The following MARCHF4 variants were observed in gnomAD, a reference collection of about 807,000 sequenced individuals.
MARCHF4 encodes membrane associated ring-CH-type finger 4.
MARCHF4 carries 14 observed loss-of-function variants against 43.9 expected under a neutral mutation model. The observed-to-expected ratio is 0.32, with a 90% CI of 0.21 to 0.50. The LOEUF (loss-of-function observed/expected upper bound fraction) is 0.50, where lower values mean the gene tolerates loss of function less well. MARCHF4 is among the 20% of genes least tolerant of loss of function. The probability of loss-of-function intolerance (pLI) is 0.98; values close to 1 mark genes in which losing one functional copy is unlikely to be tolerated. For missense variants in MARCHF4, 468 were observed against 536.7 expected (o/e 0.87, Z 1.27); for synonymous variants, 226 against 213.3 (o/e 1.06, Z -0.52).
At chr2:216,333,793 G>A (rs1000008380) in intron 1 of MARCHF4, among the ~76,000 whole-genome samples, 2 of 152,138 alleles carry the variant, frequency 1.3e-5, no homozygotes, top group African/African-American at 2.4e-5. Flanking sequence ...CTCCTGGAAA[G>A]AGACCCGTCC....
At chr2:216,296,712 T>C (rs1027972026) in intron 1 of MARCHF4, among the ~76,000 whole-genome samples, 13 of 152,234 alleles carry the variant, frequency 8.5e-5, no homozygotes, top group Non-Finnish European at 1.2e-4. Flanking sequence ...GACATTGCAG[T>C]AAACATTTAA....
intron 3 of MARCHF4, 44 bp from the exon 4 acceptor site, chr2:216,259,723 A>G: frequency 6.3e-7 from 1 of 1,583,580 alleles, no homozygotes; most frequent in Non-Finnish European, 8.6e-7. Context: ...AATGAGAGGA[A>G]GTGGGTCACG....
intron 1 of MARCHF4, among the ~76,000 whole-genome samples, chr2:216,339,709 G>T (rs958438626): frequency 1.3e-5 from 2 of 151,990 alleles, no homozygotes; most frequent in African/African-American, 4.8e-5. Flanking sequence ...CTGTTCATTC[G>T]TTCATTCATG....
intron 1 of MARCHF4, among the ~76,000 whole-genome samples, chr2:216,368,226 G>T (rs1692697143): frequency 6.6e-6 from 1 of 152,136 alleles, no homozygotes; most frequent in African/African-American, 2.4e-5. Flanking sequence ...CTTGATGGTG[G>T]CAAGATCCTG....
At chr2:216,355,847 A>G (rs1198591172) in intron 1 of MARCHF4, among the ~76,000 whole-genome samples, 1 of 152,176 alleles carries the variant, frequency 6.6e-6, no homozygotes, top group Non-Finnish European at 1.5e-5. Context: ...AAAAAGTTGC[A>G]TTTCATGCAG....
intron 1 of MARCHF4, among the ~76,000 whole-genome samples, chr2:216,345,292 G>A (rs146131569): frequency 1.3e-4 from 19 of 151,928 alleles, no homozygotes; most frequent in African/African-American, 4.6e-4. Flanking sequence ...GGGTTCAGGG[G>A]ATGTTGTTGA....
intron 3 of MARCHF4, among the ~76,000 whole-genome samples, chr2:216,269,717 G>T (rs1690902811): frequency 6.6e-6 from 1 of 152,170 alleles, no homozygotes. Flanking sequence ...ACCCTCTGAT[G>T]ATGGTGTTAT....
intron 1 of MARCHF4, among the ~76,000 whole-genome samples, chr2:216,302,310 C>G (rs1009255042): frequency 2.6e-5 from 4 of 151,766 alleles, no homozygotes; most frequent in African/African-American, 9.7e-5. Flanking sequence ...GCTCCGCCTC[C>G]TGGGTTCACT....
intron 1 of MARCHF4, among the ~76,000 whole-genome samples, chr2:216,346,885 G>A (rs1692328910): frequency 6.6e-6 from 1 of 152,164 alleles, no homozygotes; most frequent in South Asian, 2.1e-4. Flanking sequence ...TGTTAGAGGT[G>A]GGGCCTGGAG....
intron 3 of MARCHF4, among the ~76,000 whole-genome samples, chr2:216,262,815 T>C (rs1256177077): frequency 6.6e-6 from 1 of 152,204 alleles, no homozygotes; most frequent in Non-Finnish European, 1.5e-5. Context: ...ATAGCTACTA[T>C]GTCTTTTAAA....
chr2:216,290,077 C>G (rs1269273090), intron 1 of MARCHF4, among the ~76,000 whole-genome samples: 1 of 152,132 alleles, frequency 6.6e-6, no homozygotes, highest in Non-Finnish European at 1.5e-5. Flanking sequence ...CTAAAATTCT[C>G]TAGTCAAGAC....
Position 216,293,878 on chromosome 2 carries a change from A to G in MARCHF4, c.517-10149T>C, listed in dbSNP as rs1691351326. On this transcript the variant is annotated intron_variant, in intron 1 of 3. Transcript: ENST00000273067. ...GCTATATGGGGTCTGGCGGAAAAAA[A>G]GGTCACGTTTAATGTGTACATTTAT... Among the ~76,000 whole-genome samples, 2 of 133,614 alleles carry G rather than the reference A, an allele frequency of 1.5e-5. 1 individual carries two copies. The highest frequency in any genetic ancestry group is 3.5e-5 in the Non-Finnish European group (2 of 57,796). The allele number at this position is 133,614 out of a possible 152,430, so 87.7% of individuals were successfully genotyped here.
chr2:216,357,619 C>A (rs144028335), intron 1 of MARCHF4, among the ~76,000 whole-genome samples: 200 of 152,300 alleles, frequency 1.3e-3, no homozygotes, highest in Non-Finnish European at 2.2e-3. Context: ...CCATGTCCAG[C>A]CTTCATTCTA....
chr2:216,316,511 T>C (rs1023868531), intron 1 of MARCHF4, among the ~76,000 whole-genome samples: 4 of 152,028 alleles, frequency 2.6e-5, no homozygotes, highest in Admixed American at 2.0e-4. Flanking sequence ...AAGAAGGAAA[T>C]TTCATTCTTG....
At chr2:216,348,638 CA>C (rs924129643) in intron 1 of MARCHF4, among the ~76,000 whole-genome samples, 2 of 152,190 alleles carry the variant, frequency 1.3e-5, no homozygotes, top group African/African-American at 4.8e-5. Flanking sequence ...GGGCAACCAG[CA>C]GCCCTGGGGG....
At chr2:216,282,327 C>A (rs960501704) in intron 2 of MARCHF4, among the ~76,000 whole-genome samples, 3 of 151,996 alleles carry the variant, frequency 2.0e-5, no homozygotes, top group African/African-American at 7.3e-5. Context: ...CCTGGGATTG[C>A]CCCATGTAAA....
chr2:216,332,504 G>A (rs1001747248), intron 1 of MARCHF4, among the ~76,000 whole-genome samples: 1 of 151,600 alleles, frequency 6.6e-6, no homozygotes, highest in East Asian at 1.9e-4. Context: ...TCACTGCTCT[G>A]TATACGTGCC....
In MARCHF4 at chr2:216,370,221, A is replaced by G; in HGVS notation, c.40T>C (p.Cys14Arg). ...PLCGLLWWWWCCCSGWYCYGL... is the reference protein window; with the variant it reads ...PLCGLLWWWWRCCSGWYCYGL... ...TAGCAGTACCAGCCGGAGCAGCAGC[A>G]CCACCACCACCAGAGCAGCCCACAC... is the stretch of plus-strand genomic sequence containing the variant. Residue 14 changes from cysteine to arginine, a missense_variant, in exon 1 of 4, where the codon TGC (cysteine) becomes CGC (arginine). Coordinates refer to ENST00000273067, the MANE Select transcript of MARCHF4 (RefSeq NM_020814.3). 1.9e-6 allele frequency: 3 copies of G among 1,607,322 alleles called. No homozygotes were observed. The highest frequency in any genetic ancestry group is 1.7e-6 in the Non-Finnish European group (2 of 1,175,580).
At chr2:216,287,765 G>T (rs1190522840) in intron 1 of MARCHF4, among the ~76,000 whole-genome samples, 3 of 151,004 alleles carry the variant, frequency 2.0e-5, no homozygotes, top group Non-Finnish European at 4.4e-5. Flanking sequence ...TTGTGCACAT[G>T]TACCCTAAAA....
Sources: gnomAD v4.1 joint callset for allele counts (sites outside exome capture counted in the v4.1 genomes callset) on GRCh38, gnomAD v4.1.1 for gene constraint, MANE v1.5 for transcripts, NCBI Gene and HGNC (gene_info 2026-07-23, HGNC 2026-07-21) for gene names.